PCDH15: variants seen among roughly 807,000 people sequenced by gnomAD.
PCDH15 encodes protocadherin related 15.
In PCDH15, 129 loss-of-function variants were observed where a neutral mutation model predicts 178.5. The ratio of observed to expected loss-of-function variants is 0.72; its 90% CI spans 0.63 to 0.84. PCDH15 has a LOEUF of 0.84. PCDH15 is among the 40% of genes least tolerant of loss of function. PCDH15 has a pLI of 0.00. For synonymous variants in PCDH15, 800 were observed against 732.0 expected (o/e 1.09, Z -1.50); for missense variants, 2,230 against 2,099.9 (o/e 1.06, Z -1.21).
chr10:55,293,275 C>G lies in PCDH15; in HGVS notation c.-156+26324G>C, dbSNP rs181035033. Among the ~76,000 whole-genome samples the G allele has an allele frequency of 1.5e-3, 223 of 152,090 alleles. 2 individuals are homozygous for G. Among genetic ancestry groups the G allele is most frequent in the African/African-American group, 5.2e-3 (215 of 41,428 alleles). ...CACCAAGTCACTAGGTTGCACATAG[C>G]ATAAAGATGCTGGGCCTGGCTTACA... On this transcript the variant is annotated intron_variant, in intron 1 of 5. Coordinates refer to the PCDH15 transcript ENST00000458638.
At chr10:55,397,145 T>C (rs1837949869) in intron 2 of PCDH15, among the ~76,000 whole-genome samples, 1 of 152,186 alleles carries the variant, frequency 6.6e-6, no homozygotes, top group South Asian at 2.1e-4. Context: ...ACAATAATAT[T>C]TCTAGTATAA....
intron 3 of PCDH15, among the ~76,000 whole-genome samples, chr10:54,388,875 G>A (rs535689698): frequency 2.0e-5 from 3 of 152,268 alleles, no homozygotes; most frequent in East Asian, 1.9e-4. Flanking sequence ...CATGATAAAA[G>A]TGGGTTTAAT....
chr10:54,779,601 T>C (rs563180588), intron 1 of PCDH15, among the ~76,000 whole-genome samples: 2 of 149,046 alleles, frequency 1.3e-5, no homozygotes, highest in African/African-American at 4.9e-5. Context: ...TATGTGATGC[T>C]CCGGGCTGGT....
At chr10:54,600,837 T>C (rs888080276) in intron 2 of PCDH15, among the ~76,000 whole-genome samples, 12 of 151,778 alleles carry the variant, frequency 7.9e-5, no homozygotes, top group African/African-American at 2.7e-4. Flanking sequence ...CTCAGTGTGC[T>C]CCCCCCTCAG....
chr10:55,112,703 C>T lies in PCDH15; in HGVS notation c.-80+53873G>A, dbSNP rs114949019. ...ATATGACGATCAGCATGTTAAAGCT[C>T]ATGCATATGGAATGCATATCAGGCA... On this transcript the variant is annotated intron_variant, in intron 2 of 5. Coordinates refer to the PCDH15 transcript ENST00000458638. Among the ~76,000 whole-genome samples, 257 of 152,230 alleles carry T rather than the reference C, an allele frequency of 1.7e-3. 1 individual carries two copies. Among genetic ancestry groups the T allele is most frequent in the African/African-American group, 5.5e-3 (228 of 41,538 alleles).
intron 2 of PCDH15, among the ~76,000 whole-genome samples, chr10:54,609,321 CAAGTA>C (rs2092882270): frequency 2.0e-5 from 3 of 151,934 alleles, no homozygotes; most frequent in African/African-American, 7.2e-5. Flanking sequence ...AACTTGCACA[CAAGTA>C]AAGGAATGTT....
At chr10:54,356,960 AC>A (rs1449436787) in intron 5 of PCDH15, among the ~76,000 whole-genome samples, 8 of 152,104 alleles carry the variant, frequency 5.3e-5, no homozygotes, top group South Asian at 2.1e-4. Context: ...AAATTCAACA[AC>A]CCTTCATGCT....
At chr10:54,343,225 A>C (rs1326351206) in intron 6 of PCDH15, among the ~76,000 whole-genome samples, 2 of 152,126 alleles carry the variant, frequency 1.3e-5, no homozygotes, top group Admixed American at 1.3e-4. Flanking sequence ...GAATCTAGGG[A>C]GTGACCTGGT....
chr10:54,446,517 G>A lies in PCDH15; in HGVS notation c.158-67575C>T, dbSNP rs150806062. 4.4e-4 allele frequency among the ~76,000 whole-genome samples: 67 copies of A among 151,102 alleles called. 1 individual carries two copies. Among genetic ancestry groups the A allele is most frequent in the African/African-American group, 1.4e-3 (58 of 41,308 alleles). On this transcript the variant is annotated intron_variant, in intron 3 of 37. Transcript: ENST00000644397. ...TCCTCTTATTTCTTTATCATTTCCT[G>A]TTATTTCATCTTTGTGAGTCTTCCC...
At chr10:55,438,477 T>C (rs1372452164) in intron 2 of PCDH15, among the ~76,000 whole-genome samples, 3 of 152,148 alleles carry the variant, frequency 2.0e-5, no homozygotes, top group Non-Finnish European at 4.4e-5. Flanking sequence ...TGAAGTATAA[T>C]GGCTAAAGTA....
intron 13 of PCDH15, among the ~76,000 whole-genome samples, chr10:54,158,772 G>A (rs1196633798): frequency 1.3e-5 from 2 of 152,252 alleles, no homozygotes; most frequent in East Asian, 1.9e-4. Context: ...ATGCAAGAGT[G>A]TAAACACGGT....
chr10:55,374,704 G>A (rs1035539460), intron 2 of PCDH15, among the ~76,000 whole-genome samples: 1 of 151,840 alleles, frequency 6.6e-6, no homozygotes, highest in Non-Finnish European at 1.5e-5. Context: ...AATACAAAAA[G>A]GGATGAAATG....
At chr10:55,116,725 C>T (rs1246175018) in intron 2 of PCDH15, among the ~76,000 whole-genome samples, 1 of 152,254 alleles carries the variant, frequency 6.6e-6, no homozygotes, top group African/African-American at 2.4e-5. Context: ...AAATATGACA[C>T]GTGGGCATTT....
rs1245877907 is a variant in PCDH15, at chr10:53,810,544, T to C, written c.4671+12A>G. 2.5e-6 allele frequency: 4 copies of C among 1,603,960 alleles called. No homozygotes were observed. The African/African-American group carries it at 4.0e-5, about 16-fold the overall frequency. On this transcript the variant is annotated intron_variant, in intron 37 of 37. Coordinates refer to ENST00000644397, the MANE Select transcript of PCDH15 (RefSeq NM_001384140.1). ...GGAATATTATCTTACATAATAAAAT[T>C]ACAGTAATTACCTCTTCCTCCTCAT...
intron 31 of PCDH15, 100 bp from the exon 32 acceptor site, chr10:53,827,648 C>G: frequency 7.3e-7 from 1 of 1,367,544 alleles, no homozygotes; most frequent in Non-Finnish European, 1.0e-6. Context: ...TCAGGGGAAC[C>G]CACTAAAATT....
chr10:54,646,468 G>C (rs1377254741), intron 2 of PCDH15, among the ~76,000 whole-genome samples: 1 of 152,010 alleles, frequency 6.6e-6, no homozygotes, highest in Non-Finnish European at 1.5e-5. Flanking sequence ...ATATATTTTG[G>C]AGAAATAGAC....
chr10:54,632,193 A>G (rs2093720948), intron 2 of PCDH15, among the ~76,000 whole-genome samples: 1 of 152,146 alleles, frequency 6.6e-6, no homozygotes, highest in East Asian at 1.9e-4. Context: ...GAAAAACCAA[A>G]TACTACATGT....
chr10:55,241,658 A>G (rs555989184), intron 1 of PCDH15, among the ~76,000 whole-genome samples: 1 of 152,202 alleles, frequency 6.6e-6, no homozygotes, highest in Non-Finnish European at 1.5e-5. Context: ...CCAGGGCTCA[A>G]GCAATCCTCC....
At chr10:55,294,851 C>T (rs1013331252) in intron 1 of PCDH15, among the ~76,000 whole-genome samples, 6 of 152,240 alleles carry the variant, frequency 3.9e-5, no homozygotes, top group Admixed American at 2.0e-4. Context: ...ATAAAAATAG[C>T]TTAGAACTTT....
Sources: allele counts gnomAD v4.1 joint callset (sites outside exome capture counted in the v4.1 genomes callset), GRCh38; gene constraint gnomAD v4.1.1; transcripts MANE v1.5; gene names NCBI Gene and HGNC (gene_info 2026-07-23, HGNC 2026-07-21).